The following ANOS1 variants were observed in gnomAD, a reference collection of about 807,000 sequenced individuals.
The protein encoded by ANOS1 is anosmin-1.
In ANOS1, 6 loss-of-function variants were observed where a neutral mutation model predicts 59.0. The ratio of observed to expected loss-of-function variants is 0.10; its 90% confidence interval spans 0.06 to 0.20. The LOEUF is 0.20. Among genes scored for constraint, ANOS1 ranks in the 10% least tolerant of loss-of-function variants. The pLI, the probability that ANOS1 is intolerant of heterozygous loss-of-function variation, is 1.00. For missense variants in ANOS1, 433 were observed against 542.3 expected, an observed-to-expected ratio of 0.80 and a Z score of 2.00; for synonymous variants, 217 against 223.4, an observed-to-expected ratio of 0.97 and a Z score of 0.25.
At position 8,731,878 on chromosome X, in the gene ANOS1, G is replaced by A; in HGVS notation, c.159C>T (p.Cys53=). The A allele has an allele frequency of 8.4e-7, 1 of 1,193,899 alleles. No homozygotes were observed. Among genetic ancestry groups the A allele is most frequent in the Non-Finnish European group, 1.1e-6 (1 of 888,294 alleles). ...SVQRARCASR[C]LSLQITRISA... Reference sequence around the variant, plus strand: ...AGATGCGAGTGATCTGCAGGCTCAGGCACCTGGAGGCGCAGCGAGCGCGCT... The same window carrying A: ...AGATGCGAGTGATCTGCAGGCTCAGACACCTGGAGGCGCAGCGAGCGCGCT... Residue 53 remains cysteine (C), a synonymous_variant, in exon 1 of 14, where the codon TGC becomes TGT. Coordinates refer to ENST00000262648, the MANE Select transcript of ANOS1 (RefSeq NM_000216.4).
intron 2 of ANOS1, among the ~76,000 whole-genome samples, chrX:8,633,198 C>T (rs1486041426): frequency 1.8e-5 from 2 of 111,640 alleles, no homozygotes; most frequent in Non-Finnish European, 3.8e-5. Context: ...CTGAGACGTT[C>T]GCATCACAAA....
At chrX:8,650,453 TATC>T (rs1931832898) in intron 2 of ANOS1, among the ~76,000 whole-genome samples, 1 of 112,164 alleles carries the variant, frequency 8.9e-6, no homozygotes. Context: ...TACTATAAAA[TATC>T]ATCTGAAAAA....
chrX:8,549,877 G>A (rs775088797), intron 9 of ANOS1, among the ~76,000 whole-genome samples: 2 of 112,110 alleles, frequency 1.8e-5, no homozygotes, highest in African/African-American at 6.5e-5. Context: ...CAAAAACTTT[G>A]CAAGTAAGAA....
At chrX:8,698,697 C>G (rs763719216) in intron 2 of ANOS1, among the ~76,000 whole-genome samples, 8 of 111,596 alleles carry the variant, frequency 7.2e-5, no homozygotes, top group Non-Finnish European at 1.1e-4. Context: ...CAAAGCTTAT[C>G]TTCATCAAAT....
At chrX:8,583,442 C>G (rs1287583540) in intron 6 of ANOS1, among the ~76,000 whole-genome samples, 5 of 111,926 alleles carry the variant, frequency 4.5e-5, no homozygotes. Context: ...TTCTTTAAAA[C>G]ATTTTTCCCA....
At chrX:8,612,987 G>T (rs1024997095) in intron 3 of ANOS1, among the ~76,000 whole-genome samples, 2 of 111,436 alleles carry the variant, frequency 1.8e-5, no homozygotes, top group Non-Finnish European at 3.8e-5. Context: ...TCACATAAAA[G>T]GAGACTCTCT....
intron 4 of ANOS1, among the ~76,000 whole-genome samples, chrX:8,594,579 C>T (rs751443209): frequency 2.1e-5 from 2 of 95,596 alleles, no homozygotes; most frequent in Non-Finnish European, 4.1e-5. Flanking sequence ...ACTGTCAAAG[C>T]TCCCAGGACA....
chrX:8,554,861 G>T (rs1299785010), intron 8 of ANOS1, among the ~76,000 whole-genome samples: 4 of 110,272 alleles, frequency 3.6e-5, no homozygotes, highest in Non-Finnish European at 7.6e-5. Context: ...CTTGAACTCA[G>T]CTCTGGACCA....
intron 9 of ANOS1, among the ~76,000 whole-genome samples, chrX:8,548,039 T>G (rs1478417905): frequency 8.9e-6 from 1 of 112,478 alleles, no homozygotes; most frequent in Admixed American, 9.4e-5. Context: ...AAACTTCACA[T>G]TTTCAAATGA....
At chrX:8,562,960 G>A (rs1417616214) in intron 8 of ANOS1, among the ~76,000 whole-genome samples, 5 of 112,158 alleles carry the variant, frequency 4.5e-5, no homozygotes, top group Non-Finnish European at 9.4e-5. Flanking sequence ...ATACTGTAAC[G>A]TTGTAATTAT....
rs1245953258 is a variant in ANOS1 at position 8,603,291 on chromosome X, A to G, written c.319-6035T>C. Among the ~76,000 whole-genome samples, 4 of 111,799 alleles carry G rather than the reference A, an allele frequency of 3.6e-5. No individual in the cohort carries two copies. In the Admixed American group the frequency reaches 3.8e-4, roughly 11 times the overall value. ...TGAGGTGCATTGGATTAAGTAAAAA[A>G]TCCTTCATATGTTAACGAATAGATA... On this transcript the variant is annotated intron_variant, in intron 3 of 13. Coordinates refer to ENST00000262648, the MANE Select transcript of ANOS1 (RefSeq NM_000216.4).
chrX:8,686,869 G>A (rs767175591), intron 2 of ANOS1, among the ~76,000 whole-genome samples: 2 of 112,009 alleles, frequency 1.8e-5, no homozygotes, highest in African/African-American at 3.2e-5. Flanking sequence ...CAGGGGAATT[G>A]CTTGAACCCA....
rs1046622738 is a variant in ANOS1, at chrX:8,619,371, C to T, written c.318+4237G>A. ...CTGTAATCCCAGCACTTTGGGAGGC[C>T]AAGGCGGGCGGATCACAAGGTCAGG... On this transcript the variant is annotated intron_variant, in intron 3 of 13. Transcript: ENST00000262648. Among the ~76,000 whole-genome samples, 12 of 111,334 alleles carry T rather than the reference C, an allele frequency of 1.1e-4. 1 individual carries two copies. The highest frequency in any genetic ancestry group is 1.7e-4 in the Non-Finnish European group (9 of 53,037).
At chrX:8,606,065 G>A (rs1169200847) in intron 3 of ANOS1, among the ~76,000 whole-genome samples, 1 of 111,530 alleles carries the variant, frequency 9.0e-6, no homozygotes, top group Non-Finnish European at 1.9e-5. Context: ...AAGAACAAAT[G>A]GGCTAGTACA....
intron 1 of ANOS1, among the ~76,000 whole-genome samples, chrX:8,715,736 C>A (rs1468488797): frequency 9.0e-6 from 1 of 111,281 alleles, no homozygotes; most frequent in African/African-American, 3.3e-5. Flanking sequence ...TCAGACCAGA[C>A]TGTAGAGCAC....
chrX:8,694,793 A>T (rs2146895696), intron 2 of ANOS1, among the ~76,000 whole-genome samples: 1 of 112,677 alleles, frequency 8.9e-6, no homozygotes, highest in South Asian at 3.7e-4. Context: ...TTTCATTCCA[A>T]AAAGTATTTA....
At chrX:8,623,472 G>A (rs953042690) in intron 3 of ANOS1, 136 bp downstream of exon 3, 4 of 518,827 alleles carry the variant, frequency 7.7e-6, no homozygotes, top group Admixed American at 2.9e-5. Flanking sequence ...ATGAATTTAC[G>A]TATATCCACA....
chrX:8,548,736 A>C (rs5978899), intron 9 of ANOS1, among the ~76,000 whole-genome samples: 6,774 of 112,098 alleles, frequency 0.06, 213 homozygotes, highest in Middle Eastern at 0.14. Flanking sequence ...GAAATCAGTT[A>C]TATCTTTGGA....
intron 1 of ANOS1, among the ~76,000 whole-genome samples, chrX:8,711,141 C>G (rs1281758623): frequency 8.9e-6 from 1 of 112,378 alleles, no homozygotes; most frequent in Non-Finnish European, 1.9e-5. Flanking sequence ...AATGATAGCT[C>G]TAAACCTCAA....
Sources: gnomAD v4.1 joint callset for allele counts (sites outside exome capture counted in the v4.1 genomes callset) on GRCh38, gnomAD v4.1.1 for gene constraint, MANE v1.5 for transcripts, NCBI Gene and HGNC (gene_info 2026-07-23, HGNC 2026-07-21) for gene names.